Variants in CNBD1 observed in about 807,000 individuals in gnomAD.
The protein encoded by CNBD1 is cyclic nucleotide-binding domain-containing protein 1.
A neutral mutation model predicts 54.4 loss-of-function variants in CNBD1; 71 were observed. That is an observed-to-expected ratio of 1.30 (90% CI 1.08 to 1.59). The LOEUF is 1.59. CNBD1 is among the 40% of genes most tolerant of loss of function. The pLI, the probability that CNBD1 is intolerant of heterozygous loss-of-function variation, is 0.00. For missense variants in CNBD1, 659 were observed against 518.0 expected (o/e 1.27, Z -2.64); for synonymous variants, 182 against 170.7 (o/e 1.07, Z -0.51).
At chr8:86,922,405 A>C (rs1809289707) in intron 3 of CNBD1, among the ~76,000 whole-genome samples, 1 of 152,094 alleles carries the variant, frequency 6.6e-6, no homozygotes. Flanking sequence ...CAATATTTGG[A>C]CCTTTTGGAA....
intron 2 of CNBD1, among the ~76,000 whole-genome samples, chr8:87,426,551 G>A (rs185465622): frequency 6.6e-6 from 1 of 152,110 alleles, no homozygotes; most frequent in Non-Finnish European, 1.5e-5. Flanking sequence ...TTATAATGAG[G>A]TAATTATCCA....
intron 8 of CNBD1, among the ~76,000 whole-genome samples, chr8:87,340,906 T>C (rs946298412): frequency 2.0e-5 from 3 of 152,108 alleles, no homozygotes; most frequent in Non-Finnish European, 4.4e-5. Context: ...TGAAGTTTTA[T>C]TTATTTATTT....
chr8:87,300,705 C>T (rs1366046178), intron 8 of CNBD1, among the ~76,000 whole-genome samples: 7 of 151,376 alleles, frequency 4.6e-5, no homozygotes, highest in Admixed American at 2.6e-4. Context: ...GTGTGTGATA[C>T]ACACACACAT....
intron 4 of CNBD1, among the ~76,000 whole-genome samples, chr8:87,167,395 GTAAATTGTTGT>G (rs1477284251): frequency 6.6e-6 from 1 of 151,914 alleles, no homozygotes; most frequent in Non-Finnish European, 1.5e-5. Flanking sequence ...CAATTATACA[GTAAATTGTTGT>G]TATGATCATT....
downstream of CNBD1, among the ~76,000 whole-genome samples, chr8:87,385,733 C>A (rs192495789): frequency 9.2e-5 from 14 of 152,274 alleles, no homozygotes; most frequent in South Asian, 2.9e-3. Flanking sequence ...ACTCTGCAGA[C>A]TTAAATGTCC....
chr8:87,374,856 G>A (rs13260322), intron 10 of CNBD1, among the ~76,000 whole-genome samples: 2,026 of 150,072 alleles, frequency 0.014, 28 homozygotes, highest in South Asian at 0.024. Context: ...CTTTGTGTAA[G>A]TGACAAATAA....
intron 4 of CNBD1, among the ~76,000 whole-genome samples, chr8:87,203,408 A>G (rs1353181754): frequency 6.6e-6 from 1 of 152,236 alleles, no homozygotes; most frequent in African/African-American, 2.4e-5. Context: ...TCAGATTTAA[A>G]TGAAATATTT....
chr8:86,886,664 A>G (rs978320664), intron 1 of CNBD1, among the ~76,000 whole-genome samples: 3 of 152,216 alleles, frequency 2.0e-5, no homozygotes, highest in Admixed American at 6.5e-5. Context: ...TTGGATGTCA[A>G]ATTCCAATTC....
chr8:87,341,612 G>T (rs1265311338), intron 8 of CNBD1, among the ~76,000 whole-genome samples: 1 of 152,108 alleles, frequency 6.6e-6, no homozygotes, highest in African/African-American at 2.4e-5. Context: ...GAATCATGAG[G>T]GCTCCACCCT....
rs191643429 is a variant in CNBD1 at position 87,055,711 on chromosome 8, C to T, written c.431+115957C>T. On this transcript the variant is annotated intron_variant, in intron 4 of 10. Transcript: ENST00000518476. ...ACTGGTTTTTTCTTCTACCTCACTT[C>T]CTTCCTTCCTTCTTTTTTCTTTCTT... Among the ~76,000 whole-genome samples the T allele has an allele frequency of 1.5e-4, 23 of 152,066 alleles. No homozygotes were observed. The East Asian group carries it at 3.7e-3, about 24-fold the overall frequency.
intron 4 of CNBD1, among the ~76,000 whole-genome samples, chr8:86,968,746 G>A (rs1808151596): frequency 6.6e-6 from 1 of 152,192 alleles, no homozygotes; most frequent in African/African-American, 2.4e-5. Context: ...GGTGGTAGAG[G>A]AAATAGTTAC....
intron 8 of CNBD1, among the ~76,000 whole-genome samples, chr8:87,327,164 C>G (rs1406205852): frequency 1.3e-4 from 18 of 139,708 alleles, no homozygotes; most frequent in African/African-American, 4.6e-4. Context: ...TGCCCGTTCT[C>G]AGATCTCCAG....
intron 8 of CNBD1, among the ~76,000 whole-genome samples, chr8:87,342,178 C>A (rs577674862): frequency 6.6e-6 from 1 of 150,900 alleles, no homozygotes; most frequent in South Asian, 2.1e-4. Context: ...GAGGCTGAGG[C>A]AGGAGAATGG....
At chr8:87,356,174 A>G (rs1427521967) in intron 10 of CNBD1, among the ~76,000 whole-genome samples, 1 of 152,188 alleles carries the variant, frequency 6.6e-6, no homozygotes, top group Admixed American at 6.6e-5. Context: ...ATATTCATTA[A>G]TGACAACACA....
intron 4 of CNBD1, among the ~76,000 whole-genome samples, chr8:87,137,866 G>A (rs1167944614): frequency 1.3e-5 from 2 of 152,260 alleles, no homozygotes; most frequent in East Asian, 3.9e-4. Flanking sequence ...CTTAGGACCT[G>A]TGTGTCTTCC....
At position 87,239,347 on chromosome 8, in the gene CNBD1, C is replaced by T. The variant is rs1807642853; in HGVS notation, c.771+2235C>T. Among the ~76,000 whole-genome samples, 3 of 152,094 alleles carry T rather than the reference C, an allele frequency of 2.0e-5. No homozygotes were observed. The South Asian group carries it at 6.2e-4, about 32-fold the overall frequency. On this transcript the variant is annotated intron_variant, in intron 6 of 10. Coordinates refer to ENST00000518476, the MANE Select transcript of CNBD1 (RefSeq NM_173538.3). The stretch of plus-strand genomic sequence containing the variant: ...AGTTTAGCTGGTGTTATGAAACATG[C>T]TGCTCTTTCCCTATTTTAAAAATTT...
intron 4 of CNBD1, among the ~76,000 whole-genome samples, chr8:87,132,891 T>A (rs1812149937): frequency 6.7e-6 from 1 of 150,290 alleles, no homozygotes; most frequent in African/African-American, 2.4e-5. Flanking sequence ...ATGAAACACA[T>A]GGTTTTGATA....
intron 2 of CNBD1, among the ~76,000 whole-genome samples, chr8:87,423,702 A>G (rs1807987825): frequency 6.6e-6 from 1 of 150,716 alleles, no homozygotes; most frequent in East Asian, 1.9e-4. Context: ...GGATTTTTGC[A>G]TCAATGTTCA....
At chr8:87,209,355 A>G (rs956950737) in intron 5 of CNBD1, among the ~76,000 whole-genome samples, 1 of 152,296 alleles carries the variant, frequency 6.6e-6, no homozygotes, top group African/African-American at 2.4e-5. Context: ...AAATCAACAT[A>G]CAAAAATTAG....
Sources: allele counts gnomAD v4.1 joint callset (sites outside exome capture counted in the v4.1 genomes callset), GRCh38; gene constraint gnomAD v4.1.1; transcripts MANE v1.5; gene names NCBI Gene and HGNC (gene_info 2026-07-23, HGNC 2026-07-21).